Variants in LCLAT1 observed in about 807,000 individuals in gnomAD.
LCLAT1 encodes the protein 1-AGP acyltransferase 8.
Under a neutral mutation model 30.7 loss-of-function variants are expected in LCLAT1, and 11 were observed. The observed-to-expected ratio is 0.36, with a 90% confidence interval of 0.23 to 0.59. LCLAT1 has a LOEUF of 0.59. Among genes scored for constraint, LCLAT1 ranks in the 20% least tolerant of loss-of-function variants. The pLI, the probability that LCLAT1 is intolerant of heterozygous loss-of-function variation, is 0.77. For synonymous variants in LCLAT1, 155 were observed against 151.3 expected (o/e 1.02, Z -0.18); for missense variants, 402 against 458.6 (o/e 0.88, Z 1.13).
At chr2:30,602,340 CCTT>C (rs1172836236) in intron 5 of LCLAT1, among the ~76,000 whole-genome samples, 2 of 152,154 alleles carry the variant, frequency 1.3e-5, no homozygotes, top group East Asian at 1.9e-4. Flanking sequence ...ATAGTTCACT[CCTT>C]CTGCACCAGA....
At chr2:30,525,862 T>C (rs1012681237) in intron 2 of LCLAT1, 107 bp downstream of exon 2, 18 of 888,418 alleles carry the variant, frequency 2.0e-5, no homozygotes, top group African/African-American at 1.7e-5. Flanking sequence ...TTTGCACATA[T>C]CCTAGGCACA....
At chr2:30,614,805 C>T (rs1313064881) in intron 5 of LCLAT1, among the ~76,000 whole-genome samples, 2 of 151,870 alleles carry the variant, frequency 1.3e-5, no homozygotes, top group Non-Finnish European at 2.9e-5. Flanking sequence ...GAGTAAGATC[C>T]CAGCCTAGTT....
At chr2:30,616,173 G>A (rs905598780) in intron 5 of LCLAT1, among the ~76,000 whole-genome samples, 9 of 152,126 alleles carry the variant, frequency 5.9e-5, no homozygotes, top group Admixed American at 3.3e-4. Context: ...GTAAGTGAAC[G>A]GTTTTTTTGT....
intron 1 of LCLAT1, among the ~76,000 whole-genome samples, chr2:30,480,741 G>A (rs758086611): frequency 2.6e-5 from 4 of 152,136 alleles, no homozygotes; most frequent in African/African-American, 7.2e-5. Flanking sequence ...GCAATAGAGT[G>A]AGACTGTTTC....
chr2:30,598,532 CTCT>C (rs1667034546), intron 5 of LCLAT1, among the ~76,000 whole-genome samples: 2 of 150,506 alleles, frequency 1.3e-5, no homozygotes, highest in African/African-American at 4.9e-5. Context: ...TTTGATTCTT[CTCT>C]TTTTTCTTCT....
intron 1 of LCLAT1, among the ~76,000 whole-genome samples, chr2:30,475,495 C>G (rs1468002777): frequency 6.6e-6 from 1 of 152,122 alleles, no homozygotes; most frequent in Non-Finnish European, 1.5e-5. Context: ...AGTCCCAGCT[C>G]TATGATAATC....
intron 1 of LCLAT1, among the ~76,000 whole-genome samples, chr2:30,511,813 C>G (rs1421111644): frequency 6.6e-6 from 1 of 152,202 alleles, no homozygotes; most frequent in Non-Finnish European, 1.5e-5. Context: ...GGACAGTTAC[C>G]CAGAGGTGCA....
chr2:30,478,682 GATA>G (rs1683164172), intron 1 of LCLAT1, among the ~76,000 whole-genome samples: 1 of 115,606 alleles, frequency 8.7e-6, no homozygotes, highest in Non-Finnish European at 1.9e-5. Flanking sequence ...TAAATAAATA[GATA>G]GATAGGTAGG....
intron 5 of LCLAT1, among the ~76,000 whole-genome samples, chr2:30,613,480 T>TG (rs1667837844): frequency 6.6e-6 from 1 of 151,636 alleles, no homozygotes; most frequent in South Asian, 2.1e-4. Context: ...AGTGTAGGGG[T>TG]GGGTTGCCCC....
intron 1 of LCLAT1, among the ~76,000 whole-genome samples, chr2:30,466,414 A>C (rs540697693): frequency 5.3e-5 from 8 of 152,012 alleles, no homozygotes; most frequent in Admixed American, 1.3e-4. Context: ...GTTGTTATCT[A>C]ATCAATCATT....
chr2:30,518,061 CTT>C (rs1415317911), intron 1 of LCLAT1, among the ~76,000 whole-genome samples: 1 of 152,156 alleles, frequency 6.6e-6, no homozygotes, highest in East Asian at 1.9e-4. Context: ...AGAAGAATAA[CTT>C]TAGAGGAAAC....
Position 30,563,174 on chromosome 2 carries a change from C to G in LCLAT1, c.511+882C>G, listed in dbSNP as rs986266062. Among the ~76,000 whole-genome samples, 89 of 152,202 alleles carry G rather than the reference C, an allele frequency of 5.8e-4. 2 individuals are homozygous for G. The highest frequency in any genetic ancestry group is 1.9e-3 in the South Asian group (9 of 4,820). ...ATAGTGTCTGGGACTGCACCCGATA[C>G]TACCACCACACCTGGCTACCAGATT... On this transcript the variant is annotated intron_variant, in intron 4 of 5. Coordinates refer to ENST00000379509, the MANE Select transcript of LCLAT1 (RefSeq NM_001002257.3).
At chr2:30,594,823 G>A (rs1200089427) in intron 5 of LCLAT1, among the ~76,000 whole-genome samples, 3 of 152,180 alleles carry the variant, frequency 2.0e-5, no homozygotes, top group Non-Finnish European at 4.4e-5. Context: ...ATTTTTTAAG[G>A]CATCTACAAA....
At chr2:30,604,616 C>T (rs1302688696) in intron 5 of LCLAT1, among the ~76,000 whole-genome samples, 6 of 139,932 alleles carry the variant, frequency 4.3e-5, no homozygotes, top group Admixed American at 1.6e-4. Context: ...GAGCCGAGAT[C>T]GTGCCACTGC....
intron 1 of LCLAT1, among the ~76,000 whole-genome samples, chr2:30,484,113 T>C (rs982385655): frequency 6.6e-6 from 1 of 152,312 alleles, no homozygotes; most frequent in Admixed American, 6.5e-5. Context: ...CATGTTTACA[T>C]CTGATTTTGG....
chr2:30,619,121 G>A (rs1668128442), intron 5 of LCLAT1, among the ~76,000 whole-genome samples: 1 of 152,126 alleles, frequency 6.6e-6, no homozygotes, highest in Non-Finnish European at 1.5e-5. Flanking sequence ...GTAATCCCTG[G>A]TTGAGCATCT....
At chr2:30,540,549 A>C (rs1377124090) in intron 3 of LCLAT1, among the ~76,000 whole-genome samples, 1 of 152,194 alleles carries the variant, frequency 6.6e-6, no homozygotes, top group African/African-American at 2.4e-5. Flanking sequence ...AACAGTATAT[A>C]TGCTGTTTCA....
chr2:30,504,661 A>G (rs1684569178), intron 1 of LCLAT1, among the ~76,000 whole-genome samples: 1 of 152,158 alleles, frequency 6.6e-6, no homozygotes, highest in African/African-American at 2.4e-5. Flanking sequence ...CAGGCAACTT[A>G]CTTTGGCTAC....
chr2:30,598,136 C>T (rs1253952610), intron 5 of LCLAT1, among the ~76,000 whole-genome samples: 2 of 152,082 alleles, frequency 1.3e-5, no homozygotes, highest in African/African-American at 4.8e-5. Context: ...GTTTTGGTAT[C>T]AGGATAATAC....
Sources: gnomAD v4.1 joint callset for allele counts (sites outside exome capture counted in the v4.1 genomes callset) on GRCh38, gnomAD v4.1.1 for gene constraint, MANE v1.5 for transcripts, NCBI Gene and HGNC (gene_info 2026-07-23, HGNC 2026-07-21) for gene names.